Variants in USP8 observed in about 807,000 individuals in gnomAD.
USP8 encodes the protein ubiquitin specific peptidase 8.
Under a neutral mutation model 130.0 loss-of-function variants are expected in USP8, and 27 were observed. The observed-to-expected ratio is 0.21, with a 90% confidence interval of 0.15 to 0.29. The LOEUF (loss-of-function observed/expected upper bound fraction) is 0.29. Among genes scored for constraint, USP8 ranks in the 10% least tolerant of loss-of-function variants. The pLI, the probability that USP8 is intolerant of heterozygous loss-of-function variation, is 1.00. For missense variants in USP8, 1,029 were observed against 1,312.2 expected (o/e 0.78, Z 3.33); for synonymous variants, 392 against 444.1 (o/e 0.88, Z 1.48).
intron 4 of USP8, among the ~76,000 whole-genome samples, chr15:50,457,388 C>T (rs974348838): frequency 1.3e-5 from 2 of 150,708 alleles, no homozygotes; most frequent in East Asian, 2.0e-4. Context: ...TGAAACCCCA[C>T]CTCTACTAAA....
chr15:50,467,698 G>T (rs150917519), intron 7 of USP8, among the ~76,000 whole-genome samples: 135 of 152,100 alleles, frequency 8.9e-4, no homozygotes, highest in African/African-American at 3.1e-3. Context: ...TGGGAATACA[G>T]GCACATGCCA....
intron 10 of USP8, among the ~76,000 whole-genome samples, chr15:50,481,174 TC>T (rs2051754290): frequency 6.6e-6 from 1 of 152,136 alleles, no homozygotes; most frequent in Admixed American, 6.6e-5. Context: ...GGAACTTAAG[TC>T]TAAGTATGCC....
intron 5 of USP8, among the ~76,000 whole-genome samples, chr15:50,460,924 A>C (rs1432861445): frequency 6.6e-6 from 1 of 151,976 alleles, no homozygotes; most frequent in Non-Finnish European, 1.5e-5. Context: ...TGGGAGGCCA[A>C]GGTGGGCAGG....
chr15:50,492,282 T>C (rs1272873428), intron 14 of USP8, among the ~76,000 whole-genome samples: 1 of 152,182 alleles, frequency 6.6e-6, no homozygotes, highest in Admixed American at 6.5e-5. Flanking sequence ...GTATGGTTTT[T>C]TTTGTTTTTG....
At chr15:50,494,355 T>A in intron 16 of USP8, 75 bp downstream of exon 16, 2 of 1,316,830 alleles carry the variant, frequency 1.5e-6, no homozygotes, top group Non-Finnish European at 2.1e-6. Context: ...TATAGCAGTT[T>A]AAAATTCTAG....
intron 3 of USP8, among the ~76,000 whole-genome samples, chr15:50,448,767 G>T (rs549829833): frequency 1.3e-5 from 2 of 152,160 alleles, no homozygotes; most frequent in South Asian, 4.1e-4. Context: ...TGATGTGCCC[G>T]CCTCGGCCTC....
At chr15:50,436,853 A>G (rs888777927) in intron 1 of USP8, among the ~76,000 whole-genome samples, 5 of 151,968 alleles carry the variant, frequency 3.3e-5, no homozygotes, top group African/African-American at 4.8e-5. Flanking sequence ...TATTTTTAGT[A>G]GAGATAGGGT....
At chr15:50,460,598 C>A (rs1445605677) in intron 5 of USP8, among the ~76,000 whole-genome samples, 1 of 151,960 alleles carries the variant, frequency 6.6e-6, no homozygotes, top group African/African-American at 2.4e-5. Flanking sequence ...AGTGAGCCAC[C>A]ACTCCTGGCT....
intron 17 of USP8, among the ~76,000 whole-genome samples, chr15:50,496,398 G>A (rs928135498): frequency 2.0e-5 from 3 of 151,064 alleles, no homozygotes; most frequent in Admixed American, 6.6e-5. Flanking sequence ...GGAGAATGGC[G>A]TGAACCCTGG....
intron 12 of USP8, among the ~76,000 whole-genome samples, chr15:50,487,584 G>A (rs2052010054): frequency 6.6e-6 from 1 of 152,168 alleles, no homozygotes; most frequent in Non-Finnish European, 1.5e-5. Context: ...AACATTGAAA[G>A]GAAAACTAAA....
chr15:50,484,840 C>T (rs1456020586), intron 12 of USP8, among the ~76,000 whole-genome samples: 1 of 152,144 alleles, frequency 6.6e-6, no homozygotes. Context: ...CACGTTACAA[C>T]ATGGATGAAT....
At chr15:50,495,522 G>C (rs118011012) in intron 16 of USP8, among the ~76,000 whole-genome samples, 1 of 150,440 alleles carries the variant, frequency 6.6e-6, no homozygotes, top group African/African-American at 2.5e-5. Flanking sequence ...AGTTGGTCTC[G>C]AACTCCTGGC....
intron 7 of USP8, 97 bp from the exon 8 acceptor site, chr15:50,471,536 T>C: frequency 7.5e-7 from 1 of 1,326,292 alleles, no homozygotes; most frequent in Non-Finnish European, 1.0e-6. Flanking sequence ...TTTGCTATGG[T>C]GTGGTAAAGA....
intron 4 of USP8, among the ~76,000 whole-genome samples, chr15:50,451,014 A>C (rs1044897508): frequency 6.6e-6 from 1 of 152,164 alleles, no homozygotes; most frequent in Non-Finnish European, 1.5e-5. Context: ...TGCAAATAAT[A>C]AATAGAAGGA....
At position 50,456,974 on chromosome 15, in the gene USP8, G is replaced by A. The variant is rs148399964; in HGVS notation, c.336-2026G>A. ...TTTCCTTATATTTCTTCCACTTGAG[G>A]AATAGCACAGCTTTGTGTGACATGC... On this transcript the variant is annotated intron_variant, in intron 4 of 19. Transcript: ENST00000307179. Among the ~76,000 whole-genome samples, 21 of 152,324 alleles carry A rather than the reference G, an allele frequency of 1.4e-4. No homozygotes were observed. The East Asian group carries it at 4.1e-3, about 29-fold the overall frequency.
chr15:50,425,595 A>G (rs2049686188), intron 1 of USP8, among the ~76,000 whole-genome samples: 1 of 152,106 alleles, frequency 6.6e-6, no homozygotes, highest in Non-Finnish European at 1.5e-5. Context: ...GCTTTGAAAT[A>G]TGTATTCCTT....
chr15:50,450,626 C>T (rs976069473), intron 4 of USP8, among the ~76,000 whole-genome samples: 2 of 151,932 alleles, frequency 1.3e-5, no homozygotes, highest in Non-Finnish European at 2.9e-5. Context: ...CATGTGCCAC[C>T]ATGCCTGGCT....
rs12438122 is a variant in USP8, at chr15:50,501,076, T to C, written c.*1988T>C. On this transcript the variant is annotated 3_prime_UTR_variant, in exon 20 of 20. Coordinates refer to ENST00000307179, the MANE Select transcript of USP8 (RefSeq NM_005154.5). ...TCTGTGAATAAAGAAAGACAATATTTAGCAGCATCTGATTAATGTTTATCA... is the reference window on the plus strand; with the variant it reads ...TCTGTGAATAAAGAAAGACAATATTCAGCAGCATCTGATTAATGTTTATCA... 1.4e-3 allele frequency: 612 copies of C among 442,152 alleles called. 1 individual carries two copies. In the Admixed American group the frequency reaches 0.019, roughly 14 times the overall value. The allele number at this position is 442,152 out of a possible 1,614,324, so 27.4% of individuals were successfully genotyped here.
intron 3 of USP8, among the ~76,000 whole-genome samples, chr15:50,443,146 C>T (rs2050314476): frequency 6.6e-6 from 1 of 152,130 alleles, no homozygotes; most frequent in Admixed American, 6.6e-5. Flanking sequence ...TCAAGCGATT[C>T]TCCTGCCTCA....
Sources: allele counts gnomAD v4.1 joint callset (sites outside exome capture counted in the v4.1 genomes callset), GRCh38; gene constraint gnomAD v4.1.1; transcripts MANE v1.5; gene names NCBI Gene and HGNC (gene_info 2026-07-23, HGNC 2026-07-21).